Variants in SEMA4A observed in about 807,000 individuals in gnomAD.
SEMA4A encodes the protein semaphorin 4A, also known as semaphorin-4A.
A neutral mutation model predicts 72.5 loss-of-function variants in SEMA4A; 52 were observed. That is an observed-to-expected ratio of 0.72 (90% CI 0.57 to 0.90). SEMA4A has a LOEUF of 0.90. Among genes scored for constraint, SEMA4A ranks in the 40% least tolerant of loss-of-function variants. The pLI is 0.00. For synonymous variants in SEMA4A, 369 were observed against 393.1 expected, an observed-to-expected ratio of 0.94 and a Z score of 0.73; for missense variants, 926 against 959.7, an observed-to-expected ratio of 0.96 and a Z score of 0.46.
Position 156,172,883 on chromosome 1 carries a change from A to T in SEMA4A, c.1192A>T (p.Met398Leu). 8.1e-6 allele frequency: 13 copies of T among 1,614,100 alleles called. No homozygotes were observed. The highest frequency in any genetic ancestry group is 1.1e-5 in the Non-Finnish European group (13 of 1,179,988). ...ALTFMKDHFL[M>L]DEQVVGTPLL... ...GACCTTCATGAAGGACCATTTCCTG[A>T]TGGATGAGCAAGTGGTGGGGACGCC... is the stretch of plus-strand genomic sequence containing the variant. The change falls in exon 11 of 15, where the codon ATG (methionine) becomes TTG (leucine). Residue 398 changes from methionine (M) to leucine (L), a missense_variant. By Grantham distance (15) the Met-to-Leu change is conservative. Coordinates refer to ENST00000368285, the MANE Select transcript of SEMA4A (RefSeq NM_022367.4).
At position 156,160,901 on chromosome 1, in the gene SEMA4A, G is replaced by A; in HGVS notation, c.686-4G>A. 1 of 1,613,478 alleles carries A rather than the reference G, an allele frequency of 6.2e-7. No homozygotes were observed. The highest frequency in any genetic ancestry group is 1.1e-5 in the South Asian group (1 of 91,064). ...CCCTAAGCCCATCTGCCCCTCCCCC[G>A]CAGATGACGCCTCCTTTGTGGCAGC... On this transcript the variant is annotated splice_region_variant and splice_polypyrimidine_tract_variant and intron_variant, in intron 7 of 14. Coordinates refer to ENST00000368285, the MANE Select transcript of SEMA4A (RefSeq NM_022367.4).
At chr1:156,169,385 C>T (rs1451498720) in intron 10 of SEMA4A, among the ~76,000 whole-genome samples, 3 of 139,416 alleles carry the variant, frequency 2.2e-5, no homozygotes, top group East Asian at 4.1e-4. Context: ...CCTCCCTCAT[C>T]TAGGTTTATG....
intron 10 of SEMA4A, 64 bp from the exon 11 acceptor site, chr1:156,172,762 T>C: frequency 6.9e-7 from 1 of 1,453,256 alleles, no homozygotes; most frequent in Non-Finnish European, 9.7e-7. Context: ...AGAGCAGGCG[T>C]TGGAGGGAGG....
At chr1:156,174,495 T>A (rs982469756) in intron 11 of SEMA4A, among the ~76,000 whole-genome samples, 1 of 152,106 alleles carries the variant, frequency 6.6e-6, no homozygotes, top group Admixed American at 6.6e-5. Flanking sequence ...AGGTGCTTGA[T>A]GGATGTGAGG....
intron 2 of SEMA4A, chr1:156,156,133 C>T (rs976397743): frequency 9.2e-6 from 4 of 433,116 alleles, no homozygotes; most frequent in Non-Finnish European, 1.7e-5. Flanking sequence ...GTAGCCCTCC[C>T]TGTCCCAGGC....
At chr1:156,165,907 C>CTTTTTTTTTTTTTTTTTTTTTT (rs71080751) in intron 10 of SEMA4A, among the ~76,000 whole-genome samples, 1 of 112,948 alleles carries the variant, frequency 8.9e-6, no homozygotes, top group Non-Finnish European at 1.7e-5. Flanking sequence ...TTCCTATCTT[C>CTTTTTTTTTTTTTTTTTTTTTT]TTTTTTTTTT....
At chr1:156,151,386 G>C (rs749200945), upstream of SEMA4A, among the ~76,000 whole-genome samples, 2 of 152,234 alleles carry the variant, frequency 1.3e-5, no homozygotes, top group Non-Finnish European at 2.9e-5. Context: ...CTGGTGTGAG[G>C]GGTGCACTGC....
chr1:156,158,263 C>G (rs1426867403), intron 4 of SEMA4A, 125 bp from the exon 5 acceptor site: 2 of 1,274,054 alleles, frequency 1.6e-6, no homozygotes, highest in East Asian at 2.3e-5. Context: ...GGATTATGTT[C>G]TACAGAGGCG....
intron 2 of SEMA4A, 84 bp downstream of exon 2, chr1:156,154,801 G>A: frequency 1.4e-6 from 2 of 1,474,032 alleles, no homozygotes; most frequent in Non-Finnish European, 1.8e-6. Flanking sequence ...CAGAGGAGGG[G>A]AGGAAATGGA....
intron 14 of SEMA4A, 24 bp downstream of exon 14, chr1:156,175,680 G>A (rs1193968465): frequency 6.5e-7 from 1 of 1,537,372 alleles, no homozygotes; most frequent in Non-Finnish European, 8.9e-7. Context: ...CACTCACCAG[G>A]GGAGGTGCAA....
At position 156,160,966 on chromosome 1, in the gene SEMA4A, G is replaced by C; in HGVS notation, c.747G>C (p.Glu249Asp). Residue 249 changes from glutamate (E) to aspartate (D), a missense_variant, in exon 8 of 15, where the codon GAG becomes GAC. Glu to Asp is a conservative substitution (Grantham distance 45). Transcript: ENST00000368285. ...AGGTCGTCTACTTCTTCTTCGAGGAGACAGCCAGCGAGTTTGACTTCTTTG... is the reference window on the plus strand; with the variant it reads ...AGGTCGTCTACTTCTTCTTCGAGGACACAGCCAGCGAGTTTGACTTCTTTG... ...STQVVYFFFE[E>D]TASEFDFFER... 6 of 1,613,082 alleles carry C rather than the reference G, an allele frequency of 3.7e-6. No individual in the cohort carries two copies. Among genetic ancestry groups the C allele is most frequent in the Non-Finnish European group, 5.1e-6 (6 of 1,179,784 alleles).
chr1:156,152,950 G>A (rs1298030687), upstream of SEMA4A, among the ~76,000 whole-genome samples: 1 of 152,096 alleles, frequency 6.6e-6, no homozygotes, highest in African/African-American at 2.4e-5. Context: ...GCGTTATGAG[G>A]CTCCCCCTGG....
intron 10 of SEMA4A, among the ~76,000 whole-genome samples, chr1:156,171,583 A>G (rs1282246122): frequency 6.6e-6 from 1 of 151,774 alleles, no homozygotes; most frequent in Non-Finnish European, 1.5e-5. Flanking sequence ...TCCTTTTTTA[A>G]ATTTCTTTTT....
At chr1:156,151,686 A>C (rs2102922601), upstream of SEMA4A, among the ~76,000 whole-genome samples, 1 of 151,956 alleles carries the variant, frequency 6.6e-6, no homozygotes, top group South Asian at 2.1e-4. Context: ...TACAAAAAAA[A>C]TTAGCCGGGC....
upstream of SEMA4A, among the ~76,000 whole-genome samples, chr1:156,151,398 G>A (rs1404020898): frequency 2.0e-5 from 3 of 152,242 alleles, no homozygotes; most frequent in Admixed American, 2.0e-4. Context: ...GTGCACTGCT[G>A]GGGGCAGGGT....
upstream of SEMA4A, among the ~76,000 whole-genome samples, chr1:156,148,589 T>C (rs1360970107): frequency 2.6e-5 from 4 of 152,110 alleles, no homozygotes; most frequent in Admixed American, 6.6e-5. Context: ...TACTATGAAG[T>C]CTGGCGGAGC....
intron 11 of SEMA4A, among the ~76,000 whole-genome samples, chr1:156,174,294 A>G (rs1655094751): frequency 6.6e-6 from 1 of 152,244 alleles, no homozygotes; most frequent in African/African-American, 2.4e-5. Flanking sequence ...TATTGGGTAT[A>G]CAGCAGAGAA....
intron 11 of SEMA4A, among the ~76,000 whole-genome samples, chr1:156,173,239 G>C (rs1384218910): frequency 1.3e-5 from 2 of 152,168 alleles, no homozygotes; most frequent in Non-Finnish European, 2.9e-5. Flanking sequence ...GGAGGTCTTT[G>C]GTGGCTTTAT....
chr1:156,174,904 T>A lies in SEMA4A; in HGVS notation c.1398T>A (p.Pro466=). Reference sequence around the variant, plus strand: ...AAGAGATTCAGCTGTTCCCTGACCCTGAACCTGTTCGCAACCTGCAGCTGG... The same window carrying A: ...AAGAGATTCAGCTGTTCCCTGACCCAGAACCTGTTCGCAACCTGCAGCTGG... ...LVEEIQLFPD[P]EPVRNLQLAP... Residue 466 remains proline, a synonymous_variant, in exon 12 of 15, where the codon CCT becomes CCA. Transcript: ENST00000368285. 6.2e-7 allele frequency: 1 copy of A among 1,614,218 alleles called. No homozygotes were observed. The highest frequency in any genetic ancestry group is 8.5e-7 in the Non-Finnish European group (1 of 1,180,026).
Sources: gnomAD v4.1 joint callset for allele counts (sites outside exome capture counted in the v4.1 genomes callset) on GRCh38, gnomAD v4.1.1 for gene constraint, MANE v1.5 for transcripts, NCBI Gene and HGNC (gene_info 2026-07-23, HGNC 2026-07-21) for gene names.